The following RAPGEF2 variants were observed in gnomAD, a reference collection of about 807,000 sequenced individuals.
RAPGEF2 encodes Rap guanine nucleotide exchange factor 2.
In RAPGEF2, 54 loss-of-function variants were observed where a neutral mutation model predicts 186.7. The observed-to-expected ratio is 0.29, with a 90% CI of 0.23 to 0.36. RAPGEF2 has a LOEUF of 0.36. RAPGEF2 is among the 10% of genes least tolerant of loss of function. The pLI, the probability that RAPGEF2 is intolerant of heterozygous loss-of-function variation, is 1.00. For synonymous variants in RAPGEF2, 712 were observed against 705.9 expected, an observed-to-expected ratio of 1.01 and a Z score of -0.14; for missense variants, 1,532 against 2,045.0, an observed-to-expected ratio of 0.75 and a Z score of 4.84.
At chr4:159,173,284 A>G (rs958671835) in intron 1 of RAPGEF2, among the ~76,000 whole-genome samples, 2 of 152,186 alleles carry the variant, frequency 1.3e-5, no homozygotes, top group Non-Finnish European at 2.9e-5. Flanking sequence ...GCAATAAAGA[A>G]CTGGTGTCCT....
chr4:159,225,940 A>G (rs1279021694), intron 4 of RAPGEF2, among the ~76,000 whole-genome samples: 1 of 152,244 alleles, frequency 6.6e-6, no homozygotes, highest in Non-Finnish European at 1.5e-5. Context: ...GCCTTAAAAA[A>G]AATAAAAACT....
chr4:159,258,795 A>G (rs1230649235), intron 7 of RAPGEF2, among the ~76,000 whole-genome samples: 4 of 152,326 alleles, frequency 2.6e-5, no homozygotes, highest in Non-Finnish European at 5.9e-5. Flanking sequence ...TCAAACTTGC[A>G]AAATTAGCAT....
intron 6 of RAPGEF2, 78 bp from the exon 7 acceptor site, chr4:159,243,696 A>T: frequency 1.1e-6 from 1 of 931,362 alleles, no homozygotes. Flanking sequence ...TCATTTTGGC[A>T]GATGTAATAT....
intron 3 of RAPGEF2, among the ~76,000 whole-genome samples, chr4:159,199,123 A>T (rs1429248979): frequency 6.6e-6 from 1 of 151,974 alleles, no homozygotes; most frequent in Non-Finnish European, 1.5e-5. Context: ...GGCATCTTTA[A>T]AGACTTAGCC....
At chr4:159,276,325 A>G (rs1758866129) in intron 7 of RAPGEF2, among the ~76,000 whole-genome samples, 1 of 152,176 alleles carries the variant, frequency 6.6e-6, no homozygotes, top group Non-Finnish European at 1.5e-5. Context: ...ACTTTTGTTC[A>G]TTTTAAATGG....
intron 7 of RAPGEF2, among the ~76,000 whole-genome samples, chr4:159,301,349 C>T (rs764194446): frequency 7.2e-5 from 11 of 151,852 alleles, no homozygotes; most frequent in South Asian, 2.1e-4. Context: ...CCACCCGGGG[C>T]GAGGTGACAG....
intron 26 of RAPGEF2, among the ~76,000 whole-genome samples, chr4:159,351,946 G>A (rs559136432): frequency 6.6e-5 from 10 of 152,278 alleles, no homozygotes; most frequent in East Asian, 5.8e-4. Flanking sequence ...GGGAGACTCC[G>A]TCTCAAAAAC....
At chr4:159,208,641 G>C (rs1268489205) in intron 3 of RAPGEF2, among the ~76,000 whole-genome samples, 4 of 152,060 alleles carry the variant, frequency 2.6e-5, no homozygotes, top group Non-Finnish European at 5.9e-5. Flanking sequence ...AATGAACTTT[G>C]GTTCATTTGG....
intron 17 of RAPGEF2, among the ~76,000 whole-genome samples, chr4:159,335,934 C>T (rs1315169063): frequency 6.6e-6 from 1 of 151,328 alleles, no homozygotes; most frequent in Non-Finnish European, 1.5e-5. Context: ...ATGCTTTGTC[C>T]TGAGCCCATA....
In RAPGEF2 at chr4:159,238,889, G is replaced by T; in HGVS notation, c.357+5G>T. 1 of 1,486,202 alleles carries T rather than the reference G, an allele frequency of 6.7e-7. No homozygotes were observed. The highest frequency in any genetic ancestry group is 1.4e-5 in the South Asian group (1 of 72,558). The allele number at this position is 1,486,202 out of a possible 1,614,324, so 92.1% of individuals were successfully genotyped here. A position where few individuals can be genotyped will look rare whatever the true frequency, so the allele number is the denominator to read the frequency against. On this transcript the variant is annotated splice_donor_5th_base_variant and intron_variant, in intron 5 of 29. Coordinates refer to ENST00000691494, the MANE Select transcript of RAPGEF2 (RefSeq NM_001394067.2). ...GAGCCTTCTGAAATGATTGTGGTAAGAGTATTTCTGTGAGGACTATTTTTC... is the reference window on the plus strand; with the variant it reads ...GAGCCTTCTGAAATGATTGTGGTAATAGTATTTCTGTGAGGACTATTTTTC...
chr4:159,148,257 G>T (rs1295122219), intron 1 of RAPGEF2, among the ~76,000 whole-genome samples: 2 of 152,116 alleles, frequency 1.3e-5, no homozygotes, highest in African/African-American at 4.8e-5. Context: ...TAAAGAAATA[G>T]TAAGTTTTAT....
intron 9 of RAPGEF2, among the ~76,000 whole-genome samples, chr4:159,321,863 T>C (rs1765279007): frequency 6.8e-6 from 1 of 146,614 alleles, no homozygotes. Context: ...ATTTTTTAAT[T>C]GATCTTTTTT....
chr4:159,165,982 A>G lies in RAPGEF2; in HGVS notation c.70-20660A>G, dbSNP rs142601375. 2.7e-3 allele frequency among the ~76,000 whole-genome samples: 409 copies of G among 152,316 alleles called. 1 individual carries two copies. The highest frequency in any genetic ancestry group is 9.2e-3 in the African/African-American group (382 of 41,558). ...AAGTCATTGAACAATGAAATAAGAA[A>G]TTAGGAAGTAGGACTAGTCAAAAGT... is the stretch of plus-strand genomic sequence containing the variant. On this transcript the variant is annotated intron_variant, in intron 1 of 29. Transcript: ENST00000691494.
chr4:159,131,167 A>G (rs890089414), intron 1 of RAPGEF2, among the ~76,000 whole-genome samples: 2 of 150,704 alleles, frequency 1.3e-5, no homozygotes, highest in Non-Finnish European at 3.0e-5. Flanking sequence ...CTGAAGTGCA[A>G]TGGCACGATC....
intron 4 of RAPGEF2, among the ~76,000 whole-genome samples, chr4:159,217,137 T>C (rs1009184461): frequency 6.6e-6 from 1 of 152,182 alleles, no homozygotes; most frequent in Non-Finnish European, 1.5e-5. Context: ...AAGACAAATT[T>C]ACTTGTTTGT....
intron 1 of RAPGEF2, among the ~76,000 whole-genome samples, chr4:159,117,798 A>G (rs1378504804): frequency 2.0e-5 from 3 of 152,132 alleles, no homozygotes. Flanking sequence ...AACACTGGGC[A>G]TTGACATTTG....
chr4:159,342,686 A>AT (rs983055836), intron 20 of RAPGEF2, among the ~76,000 whole-genome samples: 1 of 151,088 alleles, frequency 6.6e-6, no homozygotes, highest in African/African-American at 2.4e-5. Flanking sequence ...CTATGTGTAC[A>AT]TACTGCTGTG....
Position 159,176,364 on chromosome 4 carries a change from C to T in RAPGEF2, c.70-10278C>T, listed in dbSNP as rs925782688. Among the ~76,000 whole-genome samples, 13 of 152,160 alleles carry T rather than the reference C, an allele frequency of 8.5e-5. 1 individual carries two copies. The South Asian group carries it at 1.2e-3, about 15-fold the overall frequency. ...CAGCATTAGCCTTGTTTGGGAAATT[C>T]GTGGGTAAAGTTATTAGTCCCTCTC... On this transcript the variant is annotated intron_variant, in intron 1 of 29. Coordinates refer to ENST00000691494, the MANE Select transcript of RAPGEF2 (RefSeq NM_001394067.2).
At chr4:159,224,392 A>G (rs887028049) in intron 4 of RAPGEF2, among the ~76,000 whole-genome samples, 1 of 152,234 alleles carries the variant, frequency 6.6e-6, no homozygotes, top group African/African-American at 2.4e-5. Flanking sequence ...AATTTTTCTA[A>G]GAACGTGCTT....
Sources: gnomAD v4.1 joint callset for allele counts (sites outside exome capture counted in the v4.1 genomes callset) on GRCh38, gnomAD v4.1.1 for gene constraint, MANE v1.5 for transcripts, NCBI Gene and HGNC (gene_info 2026-07-23, HGNC 2026-07-21) for gene names.